The following SGCZ variants were observed in gnomAD, a reference collection of about 807,000 sequenced individuals.
SGCZ encodes the protein zeta-sarcoglycan.
A neutral mutation model predicts 41.3 loss-of-function variants in SGCZ; 40 were observed. The observed-to-expected ratio is 0.97, with a 90% confidence interval of 0.75 to 1.26. The LOEUF is 1.26. SGCZ is among the 50% of genes most tolerant of loss of function. The probability of loss-of-function intolerance (pLI) is 0.00; values close to 1 mark genes in which losing one functional copy is unlikely to be tolerated. For synonymous variants in SGCZ, 206 were observed against 137.5 expected, an observed-to-expected ratio of 1.50 and a Z score of -3.49; for missense variants, 552 against 369.8, an observed-to-expected ratio of 1.49 and a Z score of -4.04.
chr8:14,441,497 C>G (rs562056282), intron 2 of SGCZ, among the ~76,000 whole-genome samples: 1 of 152,166 alleles, frequency 6.6e-6, no homozygotes, highest in Non-Finnish European at 1.5e-5. Context: ...ATCACTTGAA[C>G]CTGGGAGGTG....
At chr8:14,959,573 G>A (rs1438225182) in intron 1 of SGCZ, among the ~76,000 whole-genome samples, 1 of 152,134 alleles carries the variant, frequency 6.6e-6, no homozygotes, top group South Asian at 2.1e-4. Flanking sequence ...TATCTATTCA[G>A]TGTATGGGCT....
chr8:15,088,814 A>G (rs1030134638), intron 1 of SGCZ, among the ~76,000 whole-genome samples: 3 of 152,178 alleles, frequency 2.0e-5, no homozygotes, highest in Non-Finnish European at 4.4e-5. Flanking sequence ...GAAAACAATC[A>G]GATAAATAGG....
intron 2 of SGCZ, among the ~76,000 whole-genome samples, chr8:14,456,937 T>C (rs1049762708): frequency 6.6e-6 from 1 of 152,206 alleles, no homozygotes; most frequent in Non-Finnish European, 1.5e-5. Flanking sequence ...CACATGGCTG[T>C]TCTCACTTTG....
intron 3 of SGCZ, among the ~76,000 whole-genome samples, chr8:14,306,379 TTAAC>T (rs1801353666): frequency 6.6e-6 from 1 of 152,218 alleles, no homozygotes; most frequent in African/African-American, 2.4e-5. Flanking sequence ...AGGTGCTTGA[TTAAC>T]TATTTAGCCA....
At chr8:14,253,685 G>A (rs1179344821) in intron 3 of SGCZ, among the ~76,000 whole-genome samples, 1 of 151,994 alleles carries the variant, frequency 6.6e-6, no homozygotes, top group Non-Finnish European at 1.5e-5. Flanking sequence ...AATCCCACAT[G>A]TAACTGAGCT....
At chr8:15,152,938 A>G (rs1359205201) in intron 1 of SGCZ, among the ~76,000 whole-genome samples, 1 of 152,162 alleles carries the variant, frequency 6.6e-6, no homozygotes, top group African/African-American at 2.4e-5. Flanking sequence ...GGTAGAGGAA[A>G]GGGTTTTGCA....
intron 3 of SGCZ, among the ~76,000 whole-genome samples, chr8:14,246,017 A>C (rs1453290256): frequency 2.0e-5 from 3 of 152,282 alleles, no homozygotes; most frequent in African/African-American, 7.2e-5. Context: ...AACTAGTTCA[A>C]CCATTGTGGA....
chr8:14,955,016 T>G (rs1168324740), intron 1 of SGCZ, among the ~76,000 whole-genome samples: 1 of 152,208 alleles, frequency 6.6e-6, no homozygotes, highest in African/African-American at 2.4e-5. Flanking sequence ...ATGTATAGCT[T>G]TATTTCATAT....
At chr8:14,473,901 G>A (rs1801283416) in intron 2 of SGCZ, among the ~76,000 whole-genome samples, 1 of 148,968 alleles carries the variant, frequency 6.7e-6, no homozygotes, top group Non-Finnish European at 1.5e-5. Context: ...TCACACCACT[G>A]CACTCCAGCC....
intron 2 of SGCZ, among the ~76,000 whole-genome samples, chr8:14,380,197 T>C (rs140856943): frequency 6.6e-5 from 10 of 152,324 alleles, no homozygotes; most frequent in African/African-American, 2.4e-4. Context: ...CATTCACATG[T>C]CAACTTATTT....
intron 1 of SGCZ, among the ~76,000 whole-genome samples, chr8:14,710,110 T>C (rs1452467976): frequency 6.6e-6 from 1 of 151,966 alleles, no homozygotes; most frequent in Non-Finnish European, 1.5e-5. Flanking sequence ...CTCACGCCTG[T>C]AATCCCAGCA....
chr8:15,105,499 G>C (rs1242541964), intron 1 of SGCZ, among the ~76,000 whole-genome samples: 1 of 152,114 alleles, frequency 6.6e-6, no homozygotes, highest in African/African-American at 2.4e-5. Flanking sequence ...GAGCAGGAGA[G>C]AGAGAGAGAG....
chr8:14,786,676 A>G (rs1800775740), intron 1 of SGCZ, among the ~76,000 whole-genome samples: 2 of 152,086 alleles, frequency 1.3e-5, no homozygotes, highest in Non-Finnish European at 2.9e-5. Context: ...ACAAACAGAA[A>G]GTCTATGGAG....
At chr8:14,424,210 C>T (rs34536602) in intron 2 of SGCZ, among the ~76,000 whole-genome samples, 21,036 of 152,022 alleles carry the variant, frequency 0.14, 3,827 homozygotes, top group African/African-American at 0.42. Context: ...GGATAAAAAC[C>T]ATAGTAGTAG....
At chr8:15,188,657 G>T (rs1157456178) in intron 1 of SGCZ, among the ~76,000 whole-genome samples, 1 of 152,134 alleles carries the variant, frequency 6.6e-6, no homozygotes, top group Non-Finnish European at 1.5e-5. Context: ...GTACTTAGCA[G>T]AATTTATTTG....
chr8:15,182,042 TG>T (rs1246829940), intron 1 of SGCZ, among the ~76,000 whole-genome samples: 2 of 152,112 alleles, frequency 1.3e-5, no homozygotes, highest in East Asian at 3.9e-4. Flanking sequence ...GGACAATCCT[TG>T]AAAAAATAGA....
intron 2 of SGCZ, among the ~76,000 whole-genome samples, chr8:14,499,447 T>G (rs1302029380): frequency 6.6e-6 from 1 of 152,082 alleles, no homozygotes; most frequent in Non-Finnish European, 1.5e-5. Flanking sequence ...TATTTTATTT[T>G]GTAGATTATT....
intron 4 of SGCZ, among the ~76,000 whole-genome samples, chr8:14,203,984 A>G (rs553536897): frequency 6.6e-5 from 10 of 152,054 alleles, no homozygotes; most frequent in Non-Finnish European, 1.3e-4. Flanking sequence ...TGGGGGAAAG[A>G]GCGCTCCAAG....
At chr8:14,777,898 CA>C (rs200331185) in intron 1 of SGCZ, among the ~76,000 whole-genome samples, 20,929 of 119,046 alleles carry the variant, frequency 0.18, 1,654 homozygotes, top group Non-Finnish European at 0.24. Flanking sequence ...AAATTATTTC[CA>C]AAAAAAAAAA....
Sources: allele counts gnomAD v4.1 joint callset (sites outside exome capture counted in the v4.1 genomes callset), GRCh38; gene constraint gnomAD v4.1.1; transcripts MANE v1.5; gene names NCBI Gene and HGNC (gene_info 2026-07-23, HGNC 2026-07-21).